Variants in LPP observed in about 807,000 individuals in gnomAD.
LPP encodes the protein LIM domain containing preferred translocation partner in lipoma, also known as lipoma-preferred partner.
LPP carries 38 observed loss-of-function variants against 60.4 expected under a neutral mutation model. That is an observed-to-expected ratio of 0.63 (90% CI 0.49 to 0.83). The LOEUF is 0.83. LPP is among the 40% of genes least tolerant of loss of function. LPP has a pLI of 0.00. For missense variants in LPP, 902 were observed against 783.6 expected (o/e 1.15, Z -1.80); for synonymous variants, 328 against 290.8 (o/e 1.13, Z -1.30).
chr3:188,445,484 T>C (rs1795013636), intron 4 of LPP, among the ~76,000 whole-genome samples: 1 of 152,024 alleles, frequency 6.6e-6, no homozygotes, highest in South Asian at 2.1e-4. Flanking sequence ...CACCGGGGCC[T>C]GTTGGGCAGT....
chr3:188,325,992 A>G (rs1758325061), intron 2 of LPP, among the ~76,000 whole-genome samples: 1 of 152,000 alleles, frequency 6.6e-6, no homozygotes, highest in South Asian at 2.1e-4. Context: ...GGGAGAAAAT[A>G]CCCTCGACTT....
chr3:188,158,881 C>T (rs971171338), intron 1 of LPP, among the ~76,000 whole-genome samples: 1 of 152,202 alleles, frequency 6.6e-6, no homozygotes, highest in African/African-American at 2.4e-5. Context: ...AGCCCACATT[C>T]GTGGGGCCCT....
At chr3:188,554,917 G>T (rs2150572473) in intron 6 of LPP, among the ~76,000 whole-genome samples, 1 of 152,270 alleles carries the variant, frequency 6.6e-6, no homozygotes, top group Admixed American at 6.5e-5. Flanking sequence ...TTATATTACT[G>T]TGGGAGAGGC....
intron 4 of LPP, among the ~76,000 whole-genome samples, chr3:188,426,042 T>C (rs1789238624): frequency 6.6e-6 from 1 of 152,230 alleles, no homozygotes; most frequent in South Asian, 2.1e-4. Flanking sequence ...AATTGCAACG[T>C]TAGGGTGTCG....
chr3:188,856,468 T>C (rs1763858754), intron 9 of LPP, among the ~76,000 whole-genome samples: 1 of 152,186 alleles, frequency 6.6e-6, no homozygotes, highest in Non-Finnish European at 1.5e-5. Context: ...TGAACCAAGA[T>C]GTAGGGTCGA....
At chr3:188,736,599 C>T (rs1030599687) in intron 8 of LPP, among the ~76,000 whole-genome samples, 7 of 151,918 alleles carry the variant, frequency 4.6e-5, no homozygotes, top group Non-Finnish European at 8.8e-5. Flanking sequence ...CAATATTTCT[C>T]AAGAACTTTA....
At chr3:188,502,809 A>G (rs76132021) in intron 5 of LPP, among the ~76,000 whole-genome samples, 12 of 152,108 alleles carry the variant, frequency 7.9e-5, no homozygotes, top group African/African-American at 2.9e-4. Flanking sequence ...AGACAGTTGG[A>G]AAAAAATCAC....
intron 3 of LPP, among the ~76,000 whole-genome samples, chr3:188,373,302 A>G (rs1350332438): frequency 6.6e-6 from 1 of 152,226 alleles, no homozygotes; most frequent in Non-Finnish European, 1.5e-5. Context: ...ACAATGGTTG[A>G]ACTAGTTCAC....
intron 7 of LPP, among the ~76,000 whole-genome samples, chr3:188,685,572 A>C (rs1860526517): frequency 6.6e-6 from 1 of 152,120 alleles, no homozygotes; most frequent in Non-Finnish European, 1.5e-5. Context: ...CGGGTCCGGG[A>C]CCCGCATGGC....
intron 2 of LPP, among the ~76,000 whole-genome samples, chr3:188,280,798 T>C (rs954341243): frequency 4.0e-5 from 6 of 151,842 alleles, no homozygotes; most frequent in Non-Finnish European, 7.4e-5. Context: ...GGCTTTGGAG[T>C]TGGATTGTCT....
At chr3:188,704,142 C>T (rs1865015963) in intron 7 of LPP, among the ~76,000 whole-genome samples, 1 of 152,088 alleles carries the variant, frequency 6.6e-6, no homozygotes, top group Non-Finnish European at 1.5e-5. Flanking sequence ...CACTTGGAGA[C>T]AGGTGACACC....
rs1577952816 is a variant in LPP at position 188,847,989 on chromosome 3, C to T, written c.1411-18211C>T. Reference sequence around the variant, plus strand: ...GAACCAAATTAAGGAGACTTCCCCTCTCAGGCACTTGTGGGACCCTGACGG... The same window carrying T: ...GAACCAAATTAAGGAGACTTCCCCTTTCAGGCACTTGTGGGACCCTGACGG... On this transcript the variant is annotated intron_variant, in intron 9 of 11. Coordinates refer to ENST00000617246, the MANE Select transcript of LPP (RefSeq NM_001375462.1). Among the ~76,000 whole-genome samples, 8 of 152,196 alleles carry T rather than the reference C, an allele frequency of 5.3e-5. No homozygotes were observed. In the South Asian group the frequency reaches 1.7e-3, roughly 32 times the overall value.
intron 6 of LPP, among the ~76,000 whole-genome samples, chr3:188,602,667 C>A: frequency 6.8e-6 from 1 of 146,418 alleles, no homozygotes; most frequent in East Asian, 2.0e-4. Flanking sequence ...CAGTGAAGCT[C>A]TTTTTTTTTC....
intron 5 of LPP, among the ~76,000 whole-genome samples, chr3:188,499,119 ACTGT>A (rs1811097494): frequency 6.6e-6 from 1 of 151,998 alleles, no homozygotes; most frequent in Non-Finnish European, 1.5e-5. Flanking sequence ...CTCCATTGAT[ACTGT>A]CTTTTGATTT....
At chr3:188,263,355 A>T (rs1278395181) in intron 2 of LPP, among the ~76,000 whole-genome samples, 1 of 152,188 alleles carries the variant, frequency 6.6e-6, no homozygotes, top group Non-Finnish European at 1.5e-5. Flanking sequence ...CACAAATGCC[A>T]AATTATTCAT....
intron 4 of LPP, among the ~76,000 whole-genome samples, chr3:188,445,929 C>T (rs1369090489): frequency 2.0e-5 from 3 of 152,280 alleles, no homozygotes; most frequent in African/African-American, 7.2e-5. Flanking sequence ...TCAGTTTTAT[C>T]ATTTTTAAGG....
chr3:188,383,482 A>G (rs1241542809), intron 3 of LPP, among the ~76,000 whole-genome samples: 1 of 152,190 alleles, frequency 6.6e-6, no homozygotes, highest in African/African-American at 2.4e-5. Flanking sequence ...GACACATTTC[A>G]TCTGAAAGAT....
chr3:188,179,300 A>G (rs1249833968), intron 1 of LPP: 2 of 458,182 alleles, frequency 4.4e-6, no homozygotes, highest in Admixed American at 2.3e-5. Flanking sequence ...TGACCCGTGC[A>G]TGTGCCTCTG....
intron 1 of LPP, among the ~76,000 whole-genome samples, chr3:188,202,149 G>A (rs1284152736): frequency 6.6e-6 from 1 of 151,822 alleles, no homozygotes; most frequent in Non-Finnish European, 1.5e-5. Context: ...AGGTCCTTGA[G>A]AGCAGAAACG....
Sources: allele counts gnomAD v4.1 joint callset (sites outside exome capture counted in the v4.1 genomes callset), GRCh38; gene constraint gnomAD v4.1.1; transcripts MANE v1.5; gene names NCBI Gene and HGNC (gene_info 2026-07-23, HGNC 2026-07-21).